CHN1: variants seen among roughly 807,000 people sequenced by gnomAD.
The protein encoded by CHN1 is N-chimaerin.
CHN1 carries 37 observed loss-of-function variants against 59.5 expected under a neutral mutation model. The observed-to-expected ratio is 0.62, with a 90% CI of 0.48 to 0.82. The LOEUF (loss-of-function observed/expected upper bound fraction) is 0.82. Ranked by LOEUF, CHN1 falls within the 40% of genes least tolerant of loss-of-function variation. CHN1 has a pLI of 0.00. For synonymous variants in CHN1, 206 were observed against 200.4 expected (o/e 1.03, Z -0.24); for missense variants, 469 against 571.0 (o/e 0.82, Z 1.82).
chr2:174,813,716 TTATGTTGACCTC>T (rs1308554996), intron 8 of CHN1, among the ~76,000 whole-genome samples: 1 of 152,220 alleles, frequency 6.6e-6, no homozygotes, highest in Admixed American at 6.5e-5. Context: ...CATAAAAACT[TTATGTTGACCTC>T]TTGTAAATCT....
At chr2:174,889,705 G>C (rs1300784299) in intron 5 of CHN1, among the ~76,000 whole-genome samples, 1 of 152,078 alleles carries the variant, frequency 6.6e-6, no homozygotes, top group Non-Finnish European at 1.5e-5. Flanking sequence ...CAAAAAAAGT[G>C]AAGAAATCCT....
chr2:174,808,786 A>G, intron 11 of CHN1, 119 bp downstream of exon 11: 2 of 1,069,834 alleles, frequency 1.9e-6, no homozygotes, highest in Non-Finnish European at 2.8e-6. Context: ...TACATTAACC[A>G]TAGAGAGAGG....
chr2:174,926,424 C>T (rs1689164865), intron 3 of CHN1, among the ~76,000 whole-genome samples: 1 of 152,022 alleles, frequency 6.6e-6, no homozygotes. Context: ...TATCAGGACC[C>T]CCAAATCACT....
chr2:174,866,873 GTTT>G (rs1055522555), intron 6 of CHN1, among the ~76,000 whole-genome samples: 8 of 151,790 alleles, frequency 5.3e-5, no homozygotes, highest in Non-Finnish European at 5.9e-5. Context: ...CAATTTGCAC[GTTT>G]TTAATTATCT....
intron 1 of CHN1, among the ~76,000 whole-genome samples, chr2:174,999,559 A>G (rs1241828705): frequency 1.3e-5 from 2 of 152,230 alleles, no homozygotes; most frequent in Non-Finnish European, 2.9e-5. Context: ...AACTATTATT[A>G]TAACATATAA....
At chr2:174,985,593 T>C (rs1691312793) in intron 1 of CHN1, among the ~76,000 whole-genome samples, 2 of 152,148 alleles carry the variant, frequency 1.3e-5, no homozygotes, top group South Asian at 2.1e-4. Context: ...TCATAAATCA[T>C]ATTATTACTT....
Position 174,825,692 on chromosome 2 carries a change from C to T in CHN1, c.628-1174G>A, listed in dbSNP as rs539446120. Among the ~76,000 whole-genome samples the T allele has an allele frequency of 7.2e-5, 11 of 152,270 alleles. No homozygotes were observed. In the East Asian group the frequency reaches 1.9e-3, roughly 27 times the overall value. On this transcript the variant is annotated intron_variant, in intron 7 of 12. Transcript: ENST00000409900. ...ATTACAATTGATTCCAACATATCTG[C>T]CAAAACCACTACCATACATAATAAA... is the stretch of plus-strand genomic sequence containing the variant.
At chr2:174,942,596 AG>A (rs1356945482) in intron 3 of CHN1, among the ~76,000 whole-genome samples, 1 of 152,200 alleles carries the variant, frequency 6.6e-6, no homozygotes, top group Admixed American at 6.5e-5. Context: ...ATTTTCAATT[AG>A]CTAGAAGAGA....
At chr2:174,873,131 C>G (rs1687461816) in intron 6 of CHN1, among the ~76,000 whole-genome samples, 1 of 151,888 alleles carries the variant, frequency 6.6e-6, no homozygotes. Flanking sequence ...AATTACTAAA[C>G]TGGCTTTTTA....
At chr2:174,817,061 C>T (rs1191751069) in intron 8 of CHN1, among the ~76,000 whole-genome samples, 1 of 152,162 alleles carries the variant, frequency 6.6e-6, no homozygotes, top group African/African-American at 2.4e-5. Context: ...CCAGCCTGTC[C>T]TCTTCCCACT....
chr2:174,965,172 T>A (rs1392046077), intron 1 of CHN1, among the ~76,000 whole-genome samples: 1 of 152,084 alleles, frequency 6.6e-6, no homozygotes, highest in Non-Finnish European at 1.5e-5. Context: ...TTTTTTGGAT[T>A]AATTTATAAC....
intron 5 of CHN1, among the ~76,000 whole-genome samples, chr2:174,883,890 G>C (rs1198679065): frequency 7.9e-6 from 1 of 126,048 alleles, no homozygotes; most frequent in East Asian, 2.3e-4. Flanking sequence ...AAATTTTAAA[G>C]AACAAAAAGA....
At chr2:174,882,009 G>A (rs1052463266) in intron 5 of CHN1, among the ~76,000 whole-genome samples, 1 of 152,180 alleles carries the variant, frequency 6.6e-6, no homozygotes, top group African/African-American at 2.4e-5. Flanking sequence ...TGTAAAAACT[G>A]TTGAGGCTAA....
intron 8 of CHN1, among the ~76,000 whole-genome samples, chr2:174,822,825 C>T (rs1392363592): frequency 6.6e-5 from 10 of 152,252 alleles, no homozygotes; most frequent in Admixed American, 6.5e-4. Flanking sequence ...CACAGCAAGG[C>T]TTTCCTCATT....
At chr2:174,875,837 G>A in intron 6 of CHN1, 2 of 985,322 alleles carry the variant, frequency 2.0e-6, no homozygotes, top group Non-Finnish European at 2.4e-6. Context: ...TGTTGAACAG[G>A]TCATCAACCC....
intron 1 of CHN1, among the ~76,000 whole-genome samples, chr2:174,989,273 G>A (rs1691460775): frequency 6.6e-6 from 1 of 152,096 alleles, no homozygotes; most frequent in Non-Finnish European, 1.5e-5. Flanking sequence ...CTACTCGGGA[G>A]GCTAAGACAG....
chr2:174,864,137 T>C (rs767965473), intron 6 of CHN1, among the ~76,000 whole-genome samples: 97 of 151,512 alleles, frequency 6.4e-4, no homozygotes, highest in Admixed American at 2.8e-3. Flanking sequence ...TTCTGTTTTC[T>C]TTTTCTTTTT....
rs868521982 is a variant in CHN1, at chr2:174,895,196, G to A, written c.261-17068C>T. ...TATAGGAGTATATATATGTGTGTGT[G>A]TGTATATATATATATATACACACAC... On this transcript the variant is annotated intron_variant, in intron 5 of 12. Transcript: ENST00000409900. Among the ~76,000 whole-genome samples, 203 of 137,998 alleles carry A rather than the reference G, an allele frequency of 1.5e-3. 2 individuals carry two copies. The highest frequency in any genetic ancestry group is 7.4e-3 in the Middle Eastern group (2 of 270). The allele number at this position is 137,998 out of a possible 152,430, so 90.5% of individuals were successfully genotyped here.
At chr2:174,982,418 T>C (rs886929759) in intron 1 of CHN1, among the ~76,000 whole-genome samples, 9 of 152,176 alleles carry the variant, frequency 5.9e-5, no homozygotes, top group African/African-American at 1.9e-4. Context: ...CCACCAACAG[T>C]GTAAAAGTGT....
Sources: allele counts gnomAD v4.1 joint callset (sites outside exome capture counted in the v4.1 genomes callset), GRCh38; gene constraint gnomAD v4.1.1; transcripts MANE v1.5; gene names NCBI Gene and HGNC (gene_info 2026-07-23, HGNC 2026-07-21).